SHANK2: variants seen among roughly 807,000 people sequenced by gnomAD.
SHANK2 encodes the protein SH3 and multiple ankyrin repeat domains protein 2.
In SHANK2, 43 loss-of-function variants were observed where a neutral mutation model predicts 133.7. The observed-to-expected ratio is 0.32, with a 90% CI of 0.25 to 0.41. The LOEUF (loss-of-function observed/expected upper bound fraction) is 0.41. Among genes scored for constraint, SHANK2 ranks in the 10% least tolerant of loss-of-function variants. The probability of loss-of-function intolerance (pLI) is 1.00; values close to 1 mark genes in which losing one functional copy is unlikely to be tolerated. For synonymous variants in SHANK2, 1,017 were observed against 952.8 expected (o/e 1.07, Z -1.24); for missense variants, 1,994 against 2,235.8 (o/e 0.89, Z 2.18).
At chr11:70,662,420 G>A (rs1175864761) in intron 15 of SHANK2, among the ~76,000 whole-genome samples, 2 of 152,206 alleles carry the variant, frequency 1.3e-5, no homozygotes, top group African/African-American at 4.8e-5. Context: ...GGGAGAGGGC[G>A]GGGAGGGGGA....
At chr11:70,863,234 G>A (rs1949290151) in intron 11 of SHANK2, 3 of 431,390 alleles carry the variant, frequency 7.0e-6, no homozygotes, top group Admixed American at 2.4e-5. Context: ...CCACTGGTGT[G>A]GGCTCCATGA....
chr11:70,493,600 T>C (rs1045865314), intron 21 of SHANK2, among the ~76,000 whole-genome samples: 43 of 152,114 alleles, frequency 2.8e-4, no homozygotes, highest in Admixed American at 1.3e-3. Context: ...CCTGTGCCAC[T>C]GAGACCTGGA....
At chr11:70,883,355 C>T (rs1555072768) in intron 11 of SHANK2, among the ~76,000 whole-genome samples, 1 of 152,174 alleles carries the variant, frequency 6.6e-6, no homozygotes, top group Non-Finnish European at 1.5e-5. Flanking sequence ...TGGCCTCAGC[C>T]TTCCCACCCT....
At chr11:70,629,117 G>A (rs545345578) in intron 17 of SHANK2, among the ~76,000 whole-genome samples, 2 of 152,190 alleles carry the variant, frequency 1.3e-5, no homozygotes, top group East Asian at 1.9e-4. Flanking sequence ...GGGGAAACGC[G>A]CCCCGGGCAC....
chr11:70,622,433 C>T (rs1554998221), intron 17 of SHANK2, among the ~76,000 whole-genome samples: 1 of 152,138 alleles, frequency 6.6e-6, no homozygotes, highest in Non-Finnish European at 1.5e-5. Context: ...TGCGAGTGTC[C>T]TGGGCTTTTG....
In SHANK2 at chr11:70,596,753, C is replaced by T. The variant is rs543109859; in HGVS notation, c.2061+63075G>A. Reference sequence around the variant, plus strand: ...CAACAGTCCACTCTCTCCGGGGTCACGGGCACTTTGGTGGGGTACACTCAG... The same window carrying T: ...CAACAGTCCACTCTCTCCGGGGTCATGGGCACTTTGGTGGGGTACACTCAG... On this transcript the variant is annotated intron_variant, in intron 17 of 25. Coordinates refer to ENST00000601538, the MANE Select transcript of SHANK2 (RefSeq NM_012309.5). 3.3e-4 allele frequency among the ~76,000 whole-genome samples: 50 copies of T among 152,260 alleles called. No individual in the cohort carries two copies. The South Asian group carries it at 1.0e-2, about 30-fold the overall frequency.
intron 17 of SHANK2, among the ~76,000 whole-genome samples, chr11:70,574,715 G>A (rs2060093973): frequency 6.6e-6 from 1 of 152,158 alleles, no homozygotes; most frequent in Non-Finnish European, 1.5e-5. Flanking sequence ...TGGGGACCAG[G>A]CCGTTCTGCA....
chr11:70,507,664 G>C (rs545215843), intron 17 of SHANK2, among the ~76,000 whole-genome samples: 131 of 152,308 alleles, frequency 8.6e-4, no homozygotes, highest in Non-Finnish European at 9.4e-4. Flanking sequence ...CCAGTGGACA[G>C]ACACGGACAT....
chr11:71,086,791 C>T (rs1050303675), intron 8 of SHANK2, among the ~76,000 whole-genome samples: 6 of 152,062 alleles, frequency 3.9e-5, no homozygotes, highest in Non-Finnish European at 7.4e-5. Flanking sequence ...TCCTGCAGGC[C>T]CGTGCAGGGC....
chr11:70,855,195 C>A (rs1459604935), intron 11 of SHANK2, among the ~76,000 whole-genome samples: 1 of 152,240 alleles, frequency 6.6e-6, no homozygotes, highest in East Asian at 1.9e-4. Context: ...CTTCCCTGCA[C>A]GTTCTCCTCC....
chr11:70,819,418 C>T (rs1432943316), intron 12 of SHANK2, among the ~76,000 whole-genome samples: 3 of 152,254 alleles, frequency 2.0e-5, no homozygotes, highest in African/African-American at 7.2e-5. Flanking sequence ...CTGGAACCGA[C>T]ACCAACCCTA....
chr11:70,650,594 C>G (rs1306282023), intron 17 of SHANK2, among the ~76,000 whole-genome samples: 1 of 152,200 alleles, frequency 6.6e-6, no homozygotes, highest in Non-Finnish European at 1.5e-5. Flanking sequence ...TCACTAACAA[C>G]CCAGGCCCCC....
At chr11:70,835,767 C>G (rs1417490387) in intron 11 of SHANK2, among the ~76,000 whole-genome samples, 2 of 152,162 alleles carry the variant, frequency 1.3e-5, no homozygotes, top group Admixed American at 1.3e-4. Context: ...AGGCAGGGTT[C>G]TGGGACTCAG....
At chr11:70,735,031 C>A (rs1286291664) in intron 14 of SHANK2, among the ~76,000 whole-genome samples, 2 of 152,158 alleles carry the variant, frequency 1.3e-5, no homozygotes, top group Non-Finnish European at 2.9e-5. Flanking sequence ...GAGGCCAGTC[C>A]CGTGTCTGGG....
intron 2 of SHANK2, among the ~76,000 whole-genome samples, chr11:71,206,730 A>AT (rs1555118043): frequency 6.6e-6 from 1 of 152,180 alleles, no homozygotes; most frequent in East Asian, 1.9e-4. Context: ...GAGGCCAGGC[A>AT]TTTGAGACCA....
chr11:71,207,182 T>TTC (rs1193966117), intron 2 of SHANK2, among the ~76,000 whole-genome samples: 3 of 148,398 alleles, frequency 2.0e-5, no homozygotes, highest in Non-Finnish European at 3.0e-5. Flanking sequence ...AAATTCCTTT[T>TTC]TTTTTTTTTT....
At chr11:71,176,991 C>T (rs1953459321) in intron 2 of SHANK2, among the ~76,000 whole-genome samples, 1 of 152,076 alleles carries the variant, frequency 6.6e-6, no homozygotes, top group Admixed American at 6.5e-5. Context: ...ATGTTACATC[C>T]AGAAAACAAA....
chr11:70,780,065 G>C (rs1216414260), intron 14 of SHANK2, among the ~76,000 whole-genome samples: 1 of 152,212 alleles, frequency 6.6e-6, no homozygotes, highest in Non-Finnish European at 1.5e-5. Flanking sequence ...GCTGCTCAAA[G>C]AATAAAGCCC....
At chr11:71,203,909 T>C (rs1954072861) in intron 2 of SHANK2, among the ~76,000 whole-genome samples, 1 of 152,164 alleles carries the variant, frequency 6.6e-6, no homozygotes. Context: ...TCACACATCT[T>C]TGGGGGGAAC....
Sources: gnomAD v4.1 joint callset for allele counts (sites outside exome capture counted in the v4.1 genomes callset) on GRCh38, gnomAD v4.1.1 for gene constraint, MANE v1.5 for transcripts, NCBI Gene and HGNC (gene_info 2026-07-23, HGNC 2026-07-21) for gene names.